Variants in POLA1 observed in about 807,000 individuals in gnomAD.
The protein encoded by POLA1 is DNA polymerase alpha 1, catalytic subunit.
A neutral mutation model predicts 124.0 loss-of-function variants in POLA1; 15 were observed. The observed-to-expected ratio is 0.12, with a 90% CI of 0.08 to 0.19. POLA1 has a LOEUF of 0.19. Ranked by LOEUF, POLA1 falls within the 10% of genes least tolerant of loss-of-function variation. The pLI, the probability that POLA1 is intolerant of heterozygous loss-of-function variation, is 1.00. For synonymous variants in POLA1, 408 were observed against 389.4 expected, an observed-to-expected ratio of 1.05 and a Z score of -0.56; for missense variants, 886 against 1,103.4, an observed-to-expected ratio of 0.80 and a Z score of 2.79.
chrX:24,986,547 A>G (rs772847708), intron 36 of POLA1, among the ~76,000 whole-genome samples: 1 of 109,413 alleles, frequency 9.1e-6, no homozygotes, highest in East Asian at 2.9e-4. Context: ...GGAGTTTAAG[A>G]CAAGCCTGGG....
intron 26 of POLA1, among the ~76,000 whole-genome samples, chrX:24,785,888 A>G (rs1296122913): frequency 9.1e-6 from 1 of 109,661 alleles, no homozygotes; most frequent in Non-Finnish European, 1.9e-5. Flanking sequence ...CCTGATAACC[A>G]CTCTTCTACT....
chrX:24,724,332 C>T lies in POLA1; in HGVS notation c.1201-3C>T, dbSNP rs771043884. ...CCCTCTGTCCCCTTCTCTGGGATAA[C>T]AGAAAATTGATCTAAATACGGGGAA... On this transcript the variant is annotated splice_polypyrimidine_tract_variant and splice_region_variant and intron_variant, in intron 11 of 36. Transcript: ENST00000379068. 7.0e-6 allele frequency: 7 copies of T among 995,656 alleles called. No homozygotes were observed. The South Asian group carries it at 1.2e-4, about 17-fold the overall frequency. 82.1% of individuals were successfully genotyped at this position (995,656 alleles called of 1,213,427 possible). A position where few individuals can be genotyped will look rare whatever the true frequency, so the allele number is the denominator to read the frequency against.
intron 34 of POLA1, among the ~76,000 whole-genome samples, chrX:24,871,926 G>A (rs1178965910): frequency 8.9e-6 from 1 of 111,913 alleles, no homozygotes; most frequent in African/African-American, 3.2e-5. Flanking sequence ...GGCACTGTGA[G>A]ACAAAGGTCT....
In POLA1 at chrX:24,865,782, A is replaced by C. The variant is rs1277238355; in HGVS notation, c.4047+22105A>C. 3.6e-5 allele frequency among the ~76,000 whole-genome samples: 4 copies of C among 111,776 alleles called. No individual in the cohort carries two copies. In the Admixed American group the frequency reaches 3.8e-4, roughly 11 times the overall value. ...AAGGAGAAATTGGTGTTTTATCTTT[A>C]GTAGAAAATCAGCTGATGTACTTTT... On this transcript the variant is annotated intron_variant, in intron 34 of 36. Coordinates refer to ENST00000379068, the MANE Select transcript of POLA1 (RefSeq NM_001330360.2).
intron 36 of POLA1, among the ~76,000 whole-genome samples, chrX:24,967,743 C>T (rs888062409): frequency 4.5e-5 from 5 of 110,762 alleles, no homozygotes; most frequent in Non-Finnish European, 7.6e-5. Flanking sequence ...GATAGAAAAA[C>T]ATATATAAAG....
chrX:24,711,122 A>G (rs1929395081), intron 4 of POLA1, among the ~76,000 whole-genome samples: 1 of 111,284 alleles, frequency 9.0e-6, no homozygotes, highest in Non-Finnish European at 1.9e-5. Flanking sequence ...AGCCAGGACT[A>G]CAGGCACATC....
intron 35 of POLA1, among the ~76,000 whole-genome samples, chrX:24,895,316 A>G (rs2047193360): frequency 8.9e-6 from 1 of 112,152 alleles, no homozygotes; most frequent in East Asian, 2.8e-4. Flanking sequence ...GTGGCTCCAC[A>G]GTGTCATCAG....
intron 35 of POLA1, among the ~76,000 whole-genome samples, chrX:24,906,111 G>T (rs761618970): frequency 8.0e-5 from 9 of 111,917 alleles, no homozygotes; most frequent in Non-Finnish European, 1.7e-4. Context: ...ATTCCTTAAA[G>T]AACTAAAAGT....
At chrX:24,975,753 T>C (rs980148178) in intron 36 of POLA1, among the ~76,000 whole-genome samples, 10 of 112,580 alleles carry the variant, frequency 8.9e-5, no homozygotes, top group African/African-American at 3.2e-4. Context: ...GCTCTAGAAC[T>C]GTGAGATCTG....
At chrX:24,954,874 A>G (rs763192264) in intron 36 of POLA1, among the ~76,000 whole-genome samples, 1 of 111,895 alleles carries the variant, frequency 8.9e-6, no homozygotes, top group African/African-American at 3.2e-5. Flanking sequence ...GGTGAAGGTT[A>G]TAACAGTATT....
chrX:24,783,779 C>T (rs1333075294), intron 26 of POLA1, among the ~76,000 whole-genome samples: 2 of 111,298 alleles, frequency 1.8e-5, no homozygotes, highest in Admixed American at 1.9e-4. Flanking sequence ...TGATTTTGCA[C>T]CGTCCAGTAT....
At chrX:24,835,048 C>T (rs1268046655) in intron 32 of POLA1, among the ~76,000 whole-genome samples, 4 of 97,484 alleles carry the variant, frequency 4.1e-5, no homozygotes, top group African/African-American at 7.4e-5. Context: ...TTTGCATTTC[C>T]TTTTTTTTTT....
intron 15 of POLA1, among the ~76,000 whole-genome samples, chrX:24,729,095 T>G: frequency 8.9e-6 from 1 of 112,258 alleles, no homozygotes; most frequent in Admixed American, 9.5e-5. Flanking sequence ...TAACCTGCTA[T>G]TAGTGAGTCT....
At chrX:24,950,229 A>G (rs929246628) in intron 36 of POLA1, among the ~76,000 whole-genome samples, 3 of 112,085 alleles carry the variant, frequency 2.7e-5, no homozygotes, top group Non-Finnish European at 3.8e-5. Flanking sequence ...GTTCATCTAG[A>G]GTAACACTGT....
At chrX:24,806,956 T>A (rs1300712776) in intron 26 of POLA1, among the ~76,000 whole-genome samples, 30 of 112,076 alleles carry the variant, frequency 2.7e-4, no homozygotes, top group African/African-American at 9.4e-4. Context: ...GGATAAGTGC[T>A]AGGTGAAAAA....
At chrX:24,919,444 C>A (rs917436909) in intron 35 of POLA1, among the ~76,000 whole-genome samples, 1 of 111,265 alleles carries the variant, frequency 9.0e-6, no homozygotes, top group African/African-American at 3.3e-5. Flanking sequence ...CATGTTCCCC[C>A]CCACCACCAC....
intron 15 of POLA1, among the ~76,000 whole-genome samples, chrX:24,729,156 T>C (rs1930733424): frequency 2.7e-5 from 3 of 112,099 alleles, no homozygotes; most frequent in Non-Finnish European, 5.6e-5. Flanking sequence ...TCTCCATCAG[T>C]TTTTCATCTA....
intron 34 of POLA1, among the ~76,000 whole-genome samples, chrX:24,864,445 A>C (rs754399609): frequency 5.4e-4 from 60 of 112,060 alleles, no homozygotes; most frequent in Non-Finnish European, 1.1e-3. Context: ...CATATTTGTG[A>C]GTGCTATAGT....
intron 14 of POLA1, 116 bp downstream of exon 14, chrX:24,727,187 G>A (rs969457763): frequency 9.7e-6 from 6 of 619,237 alleles, no homozygotes; most frequent in Admixed American, 3.8e-5. Context: ...TTTTCTGTTT[G>A]TTTCTTCAGT....
Sources: allele counts gnomAD v4.1 joint callset (sites outside exome capture counted in the v4.1 genomes callset), GRCh38; gene constraint gnomAD v4.1.1; transcripts MANE v1.5; gene names NCBI Gene and HGNC (gene_info 2026-07-23, HGNC 2026-07-21).